The following CHD9 variants were observed in gnomAD, a reference collection of about 807,000 sequenced individuals.
CHD9 encodes the protein ATP-dependent chromatin remodeler CHD9.
Under a neutral mutation model 316.1 loss-of-function variants are expected in CHD9, and 77 were observed. The observed-to-expected ratio is 0.24, with a 90% CI of 0.20 to 0.29. The LOEUF (loss-of-function observed/expected upper bound fraction) is 0.29. Among genes scored for constraint, CHD9 ranks in the 10% least tolerant of loss-of-function variants. The pLI, the probability that CHD9 is intolerant of heterozygous loss-of-function variation, is 1.00. For synonymous variants in CHD9, 1,129 were observed against 1,158.3 expected, an observed-to-expected ratio of 0.97 and a Z score of 0.51; for missense variants, 2,763 against 3,438.1, an observed-to-expected ratio of 0.80 and a Z score of 4.91.
chr16:53,090,404 T>C lies in CHD9; in HGVS notation c.-165+35327T>C, dbSNP rs563140180. 2.6e-5 allele frequency among the ~76,000 whole-genome samples: 4 copies of C among 152,136 alleles called. No homozygotes were observed. In the East Asian group the frequency reaches 5.8e-4, roughly 22 times the overall value. Reference sequence around the variant, plus strand: ...CAGTGAGAGTGAAGATAAAGAGGGGTGTTTAGGAAAAATCTCTCCTTGTGA... The same window carrying C: ...CAGTGAGAGTGAAGATAAAGAGGGGCGTTTAGGAAAAATCTCTCCTTGTGA... On this transcript the variant is annotated intron_variant, in intron 1 of 38. Coordinates refer to ENST00000447540, the MANE Select transcript of CHD9 (RefSeq NM_001308319.2).
chr16:53,195,724 T>C (rs1445242791), intron 2 of CHD9, among the ~76,000 whole-genome samples: 2 of 151,684 alleles, frequency 1.3e-5, no homozygotes, highest in East Asian at 1.9e-4. Context: ...CAGATTCGCA[T>C]GCAGTTGTAA....
chr16:53,145,621 G>A (rs566235354), intron 1 of CHD9, among the ~76,000 whole-genome samples: 1 of 151,960 alleles, frequency 6.6e-6, no homozygotes, highest in Non-Finnish European at 1.5e-5. Context: ...CAGGAGAATT[G>A]CTTGAACCCA....
Position 53,292,966 on chromosome 16 carries a change from C to T in CHD9, c.5424C>T (p.Phe1808=), listed in dbSNP as rs769420865. 4 of 1,613,736 alleles carry T rather than the reference C, an allele frequency of 2.5e-6. No homozygotes were observed. The highest frequency in any genetic ancestry group is 3.4e-6 in the Non-Finnish European group (4 of 1,179,830). The change falls in exon 29 of 39, where the codon TTC becomes TTT. Residue 1808 remains phenylalanine, a synonymous_variant. Coordinates refer to ENST00000447540, the MANE Select transcript of CHD9 (RefSeq NM_001308319.2). ...NRQIQQIQPT[F]SVPTSVMQPI... ...AAATTCAGCAGATACAACCGACTTT[C>T]TCGGTGCCTACCAGTGTAATGCAGC...
Position 53,242,858 on chromosome 16 carries a change from G to A in CHD9, c.2896G>A (p.Ala966Thr), listed in dbSNP as rs768768292. ...TTTCTAGGGGCGTATCATTCGAGGA[G>A]CTTACAGATTCCAAGCCATCATCAC... ...RDSQGRIIRGAYRFQAIITTF... is the reference protein window; with the variant it reads ...RDSQGRIIRGTYRFQAIITTF... Residue 966 changes from alanine to threonine, a missense_variant, in exon 13 of 39, where the codon GCT (alanine) becomes ACT (threonine). Ala to Thr is a moderately conservative substitution (Grantham distance 58). Around this residue, in one of 15 missense-constraint regions of CHD9, gnomAD observed 186 missense variants for 245.0 expected, o/e 0.76. Transcript: ENST00000447540. The A allele has an allele frequency of 6.2e-7, 1 of 1,613,152 alleles. No homozygotes were observed. Among genetic ancestry groups the A allele is most frequent in the Non-Finnish European group, 8.5e-7 (1 of 1,179,442 alleles).
intron 37 of CHD9, chr16:53,321,120 A>G: frequency 1.4e-6 from 1 of 693,384 alleles, no homozygotes; most frequent in Non-Finnish European, 2.2e-6. Context: ...TTATCTTTAT[A>G]AAACCCTATG....
intron 2 of CHD9, among the ~76,000 whole-genome samples, chr16:53,172,651 G>C (rs7196757): frequency 6.6e-6 from 1 of 151,926 alleles, no homozygotes; most frequent in Non-Finnish European, 1.5e-5. Context: ...TAAGAGTTCC[G>C]TTCGCTCCAC....
At chr16:53,130,463 G>A (rs2039176589) in intron 1 of CHD9, among the ~76,000 whole-genome samples, 2 of 150,930 alleles carry the variant, frequency 1.3e-5, no homozygotes, top group Non-Finnish European at 3.0e-5. Flanking sequence ...GCCGGGGCCT[G>A]ACGTGGCGGC....
intron 1 of CHD9, among the ~76,000 whole-genome samples, chr16:53,133,667 C>T (rs553274901): frequency 2.2e-4 from 33 of 152,064 alleles, no homozygotes; most frequent in Non-Finnish European, 1.5e-4. Context: ...AAATCAAAAA[C>T]TTATGGGGTG....
intron 1 of CHD9, among the ~76,000 whole-genome samples, chr16:53,094,714 A>T (rs1242023927): frequency 1.4e-5 from 2 of 145,568 alleles, no homozygotes; most frequent in African/African-American, 5.1e-5. Flanking sequence ...ATCTTGGCTC[A>T]CTGAAACCTC....
intron 1 of CHD9, among the ~76,000 whole-genome samples, chr16:53,077,509 A>G (rs2034643207): frequency 6.6e-6 from 1 of 150,998 alleles, no homozygotes; most frequent in Non-Finnish European, 1.5e-5. Context: ...TTGTATTTTT[A>G]GTAGAGACGG....
chr16:53,255,449 G>GTAT, intron 18 of CHD9, 151 bp from the exon 19 acceptor site: 1 of 615,244 alleles, frequency 1.6e-6, no homozygotes, highest in East Asian at 2.8e-5. Context: ...CAACTTCAAT[G>GTAT]TATTATTTCT....
rs189080082 is a variant in CHD9 at position 53,304,198 on chromosome 16, G to C, written c.6192G>C (p.Met2064Ile). ...EEPQSSEEES[M>I]SSVETRTLIK... Reference sequence around the variant, plus strand: ...CTCAGTCTTCTGAAGAAGAATCTATGTCTTCTGTGGAAACCAGGACACTAA... The same window carrying C: ...CTCAGTCTTCTGAAGAAGAATCTATCTCTTCTGTGGAAACCAGGACACTAA... The change falls in exon 31 of 39, where the codon ATG becomes ATC. Residue 2064 changes from methionine to isoleucine, a missense_variant. Met to Ile is a conservative substitution (Grantham distance 10). Coordinates refer to ENST00000447540, the MANE Select transcript of CHD9 (RefSeq NM_001308319.2). The C allele has an allele frequency of 1.7e-5, 28 of 1,611,544 alleles. No individual in the cohort carries two copies. The highest frequency in any genetic ancestry group is 1.7e-6 in the Non-Finnish European group (2 of 1,178,678).
intron 3 of CHD9, among the ~76,000 whole-genome samples, chr16:53,217,912 TTTTCTTTCTTTCTTTCTTTCTTTCTTTC>T (rs138448097): frequency 0.033 from 4,764 of 144,266 alleles, 100 homozygotes; most frequent in South Asian, 0.07. Context: ...GCTTATACTC[TTTTCTTTCTTTCTTTCTTTCTTTCTTTC>T]TTTCTTTCTT....
chr16:53,115,572 A>G (rs1158581594), intron 1 of CHD9, among the ~76,000 whole-genome samples: 2 of 152,254 alleles, frequency 1.3e-5, no homozygotes, highest in Non-Finnish European at 2.9e-5. Flanking sequence ...AAAGGCTTCC[A>G]GTGTCCTGTT....
In CHD9 at chr16:53,302,476, T is replaced by C. The variant is rs117354928; in HGVS notation, c.5714-1244T>C. ...TCAGTATGTCTTATTACTGATGATGTTGACTTTAATTGTGTGGTTAAGGTA... is the reference window on the plus strand; with the variant it reads ...TCAGTATGTCTTATTACTGATGATGCTGACTTTAATTGTGTGGTTAAGGTA... On this transcript the variant is annotated intron_variant, in intron 30 of 38. Transcript: ENST00000447540. Among the ~76,000 whole-genome samples the C allele has an allele frequency of 2.0e-5, 3 of 152,344 alleles. No homozygotes were observed. The East Asian group carries it at 5.8e-4, about 29-fold the overall frequency.
intron 1 of CHD9, among the ~76,000 whole-genome samples, chr16:53,080,349 G>A (rs951582859): frequency 5.9e-5 from 9 of 152,146 alleles, no homozygotes; most frequent in African/African-American, 1.9e-4. Flanking sequence ...CGCAAGGTGC[G>A]GCAATCAGTT....
chr16:53,073,805 T>C (rs2034297046), intron 1 of CHD9, among the ~76,000 whole-genome samples: 1 of 152,228 alleles, frequency 6.6e-6, no homozygotes. Flanking sequence ...GTGGAACAAT[T>C]AAACCTCCTT....
intron 2 of CHD9, among the ~76,000 whole-genome samples, chr16:53,197,980 C>G (rs1296339001): frequency 6.6e-6 from 1 of 151,860 alleles, no homozygotes; most frequent in East Asian, 1.9e-4. Context: ...TTGGTTTGAA[C>G]TCTTTCTGTG....
At chr16:53,112,932 G>A (rs569792602) in intron 1 of CHD9, among the ~76,000 whole-genome samples, 3 of 152,252 alleles carry the variant, frequency 2.0e-5, no homozygotes, top group East Asian at 1.9e-4. Context: ...AGTCTAGGAG[G>A]TCAAGGCTGC....
Sources: allele counts gnomAD v4.1 joint callset (sites outside exome capture counted in the v4.1 genomes callset), GRCh38; gene constraint gnomAD v4.1.1; regional missense constraint gnomAD v4.1.1; transcripts MANE v1.5; gene names NCBI Gene and HGNC (gene_info 2026-07-23, HGNC 2026-07-21).